The following DPP6 variants were observed in gnomAD, a reference collection of about 807,000 sequenced individuals.
The protein encoded by DPP6 is A-type potassium channel modulatory protein DPP6.
DPP6 carries 69 observed loss-of-function variants against 122.6 expected under a neutral mutation model. The observed-to-expected ratio is 0.56, with a 90% CI of 0.46 to 0.69. DPP6 has a LOEUF of 0.69. DPP6 is among the 30% of genes least tolerant of loss of function. The pLI, the probability that DPP6 is intolerant of heterozygous loss-of-function variation, is 0.00. For missense variants in DPP6, 928 were observed against 1,116.9 expected, an observed-to-expected ratio of 0.83 and a Z score of 2.41; for synonymous variants, 418 against 433.1, an observed-to-expected ratio of 0.97 and a Z score of 0.43.
chr7:154,413,778 G>A (rs1245010901), intron 1 of DPP6, among the ~76,000 whole-genome samples: 1 of 152,122 alleles, frequency 6.6e-6, no homozygotes, highest in Non-Finnish European at 1.5e-5. Flanking sequence ...AATTAAATGA[G>A]AATCAAAATT....
Position 154,574,874 on chromosome 7 carries a change from TTG to T in DPP6, c.627+7969_627+7970del, listed in dbSNP as rs1196127245. The stretch of plus-strand genomic sequence containing the variant: ...TGTGTGTGGTGTGTGTGTTTGTGTG[TTG>T]TGTGTGTGTGGTGTGTGTATATGTG... On this transcript the variant is annotated intron_variant, in intron 5 of 25. Coordinates refer to ENST00000377770, the MANE Select transcript of DPP6 (RefSeq NM_130797.4). 8.4e-3 allele frequency among the ~76,000 whole-genome samples: 1,050 copies of T among 125,722 alleles called. 13 individuals carry two copies. The highest frequency in any genetic ancestry group is 0.029 in the African/African-American group (953 of 32,796). The allele number at this position is 125,722 out of a possible 152,430, so 82.5% of individuals were successfully genotyped here. A position where few individuals can be genotyped will look rare whatever the true frequency, so the allele number is the denominator to read the frequency against.
intron 1 of DPP6, among the ~76,000 whole-genome samples, chr7:154,367,409 G>A (rs1035782358): frequency 5.9e-5 from 9 of 152,186 alleles, no homozygotes; most frequent in Non-Finnish European, 8.8e-5. Flanking sequence ...ATTTTTTCTA[G>A]TCTGGCTTTT....
intron 1 of DPP6, among the ~76,000 whole-genome samples, chr7:154,288,533 C>T (rs1001378813): frequency 3.9e-5 from 6 of 152,144 alleles, no homozygotes; most frequent in East Asian, 1.9e-4. Context: ...AGAGGAGAGA[C>T]GATTTATGCC....
At chr7:154,462,790 T>TCCCTCCC (rs1394139535) in intron 2 of DPP6, among the ~76,000 whole-genome samples, 3 of 133,034 alleles carry the variant, frequency 2.3e-5, no homozygotes, top group African/African-American at 8.5e-5. Flanking sequence ...CCTAACGCTA[T>TCCCTCCC]CCCTCCCCCC....
At chr7:153,979,554 T>C (rs1251409534) in intron 1 of DPP6, among the ~76,000 whole-genome samples, 2 of 152,248 alleles carry the variant, frequency 1.3e-5, no homozygotes, top group East Asian at 1.9e-4. Flanking sequence ...CTTGCCTGAT[T>C]GCCCTGGCAA....
the DPP6 span, among the ~76,000 whole-genome samples, chr7:153,870,186 G>A: frequency 6.6e-6 from 1 of 152,102 alleles, no homozygotes; most frequent in Non-Finnish European, 1.5e-5. Flanking sequence ...TCCTGAATCT[G>A]AATGTTGGCC....
At chr7:154,205,693 G>A (rs1365320514) in intron 1 of DPP6, among the ~76,000 whole-genome samples, 2 of 151,878 alleles carry the variant, frequency 1.3e-5, no homozygotes, top group African/African-American at 4.8e-5. Context: ...CAGGCCCGGA[G>A]CACTCCTCCG....
intron 3 of DPP6, among the ~76,000 whole-genome samples, chr7:154,535,891 A>G (rs11975187): frequency 0.41 from 62,055 of 151,974 alleles, 13,103 homozygotes; most frequent in African/African-American, 0.49. Context: ...TGAAGAAATG[A>G]TGTGCATGTG....
intron 1 of DPP6, among the ~76,000 whole-genome samples, chr7:153,926,035 C>T (rs931398838): frequency 3.3e-5 from 5 of 152,166 alleles, no homozygotes; most frequent in Non-Finnish European, 7.3e-5. Flanking sequence ...CGTTAGGGAA[C>T]AGTTCACCAC....
At chr7:154,034,887 G>A (rs1390029248) in intron 1 of DPP6, among the ~76,000 whole-genome samples, 2 of 150,392 alleles carry the variant, frequency 1.3e-5, no homozygotes, top group Non-Finnish European at 3.0e-5. Flanking sequence ...TAATTTGTTT[G>A]GCCAGTTTTA....
rs116267988 is a variant in DPP6, at chr7:154,240,755, C to T, written c.243+187692C>T. Among the ~76,000 whole-genome samples the T allele has an allele frequency of 5.4e-3, 824 of 152,268 alleles. 11 individuals carry two copies. The highest frequency in any genetic ancestry group is 0.019 in the African/African-American group (780 of 41,536). The stretch of plus-strand genomic sequence containing the variant: ...TTTCTTTGGGGATTCACCTCATTTC[C>T]TCAAGTCCTGCTAATGTGTACGGTG... On this transcript the variant is annotated intron_variant, in intron 1 of 25. Transcript: ENST00000377770.
chr7:153,983,815 T>C (rs571839411), intron 1 of DPP6, among the ~76,000 whole-genome samples: 108 of 152,182 alleles, frequency 7.1e-4, no homozygotes, highest in African/African-American at 2.5e-3. Context: ...CCGTGACCCC[T>C]TGTGCTTCCT....
At chr7:154,270,841 C>T (rs1338035546) in intron 1 of DPP6, among the ~76,000 whole-genome samples, 1 of 152,150 alleles carries the variant, frequency 6.6e-6, no homozygotes, top group East Asian at 1.9e-4. Context: ...TTCCAAAGCA[C>T]ACAGTCCTAA....
At chr7:154,554,222 G>C (rs965652686) in intron 4 of DPP6, among the ~76,000 whole-genome samples, 1 of 152,108 alleles carries the variant, frequency 6.6e-6, no homozygotes, top group African/African-American at 2.4e-5. Flanking sequence ...TCATTGACCA[G>C]GAAGGGAGAA....
chr7:154,859,226 G>A (rs559548966), intron 17 of DPP6, among the ~76,000 whole-genome samples: 59 of 152,338 alleles, frequency 3.9e-4, no homozygotes, highest in Non-Finnish European at 6.5e-4. Flanking sequence ...TGCACCTCAC[G>A]CCTCTGTTGA....
At chr7:154,079,141 G>A (rs965503208) in intron 1 of DPP6, among the ~76,000 whole-genome samples, 6 of 152,006 alleles carry the variant, frequency 3.9e-5, no homozygotes, top group Non-Finnish European at 7.4e-5. Context: ...CCCACAGTGA[G>A]CTGAGATCGC....
chr7:154,303,311 G>T (rs1297289973), intron 1 of DPP6, among the ~76,000 whole-genome samples: 6 of 152,174 alleles, frequency 3.9e-5, no homozygotes, highest in African/African-American at 1.4e-4. Flanking sequence ...TGTGTGAGGG[G>T]AGAGTGACTG....
intron 1 of DPP6, among the ~76,000 whole-genome samples, chr7:154,079,476 C>G (rs1011210448): frequency 3.9e-5 from 6 of 152,150 alleles, no homozygotes; most frequent in Non-Finnish European, 4.4e-5. Context: ...CCCGAAAACC[C>G]AAGAATGGTC....
intron 16 of DPP6, among the ~76,000 whole-genome samples, chr7:154,837,886 G>A (rs1801210989): frequency 6.6e-6 from 1 of 152,126 alleles, no homozygotes; most frequent in African/African-American, 2.4e-5. Flanking sequence ...CAACATCTGT[G>A]TTCATTTCTT....
Sources: gnomAD v4.1 joint callset for allele counts (sites outside exome capture counted in the v4.1 genomes callset) on GRCh38, gnomAD v4.1.1 for gene constraint, MANE v1.5 for transcripts, NCBI Gene and HGNC (gene_info 2026-07-23, HGNC 2026-07-21) for gene names.